The following GLE1 variants were observed in gnomAD, a reference collection of about 807,000 sequenced individuals.
GLE1 encodes GLE1 RNA export mediator, also known as mRNA export factor GLE1.
Under a neutral mutation model 97.3 loss-of-function variants are expected in GLE1, and 78 were observed. That is an observed-to-expected ratio of 0.80 (90% CI 0.67 to 0.97). GLE1 has a LOEUF of 0.97. Ranked by LOEUF, GLE1 falls within the 50% of genes least tolerant of loss-of-function variation. GLE1 has a pLI of 0.00. For synonymous variants in GLE1, 302 were observed against 313.4 expected (o/e 0.96, Z 0.39); for missense variants, 753 against 857.5 (o/e 0.88, Z 1.52).
intron 9 of GLE1, among the ~76,000 whole-genome samples, chr9:128,530,706 G>A (rs887915308): frequency 6.6e-6 from 1 of 150,942 alleles, no homozygotes; most frequent in South Asian, 2.1e-4. Flanking sequence ...TCAGGAGATC[G>A]AGACCATCCT....
chr9:128,530,298 C>T (rs566474418), intron 9 of GLE1, among the ~76,000 whole-genome samples: 157 of 152,280 alleles, frequency 1.0e-3, no homozygotes, highest in African/African-American at 3.6e-3. Context: ...CAAATCCAAA[C>T]CCATCATCTT....
intron 3 of GLE1, among the ~76,000 whole-genome samples, chr9:128,521,954 C>T (rs575377866): frequency 6.6e-6 from 1 of 152,124 alleles, no homozygotes; most frequent in South Asian, 2.1e-4. Context: ...AAAGGACTTT[C>T]CTTAGTGGAG....
chr9:128,506,763 C>T lies in GLE1; in HGVS notation c.99+1859C>T, dbSNP rs116650413. On this transcript the variant is annotated intron_variant, in intron 1 of 15. Transcript: ENST00000309971. ...TTTATGTACTGTCTATTTGTGTGTA[C>T]ATATATATTATAAAACCATGACTTC... 4.9e-3 allele frequency among the ~76,000 whole-genome samples: 743 copies of T among 152,246 alleles called. 12 individuals are homozygous for T. The highest frequency in any genetic ancestry group is 0.017 in the African/African-American group (716 of 41,544).
chr9:128,539,598 G>T lies in GLE1; in HGVS notation c.1882-18G>T. ...AATTTTCATTTTCTGCTCTGACAGT[G>T]CCTGTCTTTCCCTCTAGGTGTGTGG... is the stretch of plus-strand genomic sequence containing the variant. On this transcript the variant is annotated intron_variant, in intron 13 of 15. Transcript: ENST00000309971. The T allele has an allele frequency of 6.2e-7, 1 of 1,606,290 alleles. No individual in the cohort carries two copies. Among genetic ancestry groups the T allele is most frequent in the South Asian group, 1.1e-5 (1 of 90,912 alleles).
At chr9:128,509,578 C>A (rs764142735) in intron 2 of GLE1, among the ~76,000 whole-genome samples, 2 of 151,616 alleles carry the variant, frequency 1.3e-5, no homozygotes, top group African/African-American at 2.4e-5. Context: ...CTCAGAAGAC[C>A]CCTCTCTCTC....
chr9:128,522,882 AT>A, intron 4 of GLE1, 66 bp downstream of exon 4: 1 of 1,560,924 alleles, frequency 6.4e-7, no homozygotes, highest in Non-Finnish European at 8.8e-7. Flanking sequence ...CCCAAGAGGA[AT>A]TCCAAAGGGA....
At chr9:128,505,399 G>A (rs1846612641) in intron 1 of GLE1, among the ~76,000 whole-genome samples, 1 of 152,182 alleles carries the variant, frequency 6.6e-6, no homozygotes, top group South Asian at 2.1e-4. Context: ...GAGGGATGTG[G>A]AGAGTTAAGG....
At chr9:128,533,991 A>T in intron 11 of GLE1, 40 bp downstream of exon 11, 1 of 1,223,158 alleles carries the variant, frequency 8.2e-7, no homozygotes, top group Non-Finnish European at 1.2e-6. Flanking sequence ...CCCTAGAGTG[A>T]TTAATGAAAT....
chr9:128,509,357 C>T (rs191446304), intron 2 of GLE1, among the ~76,000 whole-genome samples: 110 of 150,050 alleles, frequency 7.3e-4, no homozygotes, highest in Non-Finnish European at 1.4e-3. Flanking sequence ...TTCTGATGAA[C>T]GCTGCGTCTG....
At chr9:128,521,617 T>C (rs1179067777) in intron 3 of GLE1, among the ~76,000 whole-genome samples, 1 of 152,208 alleles carries the variant, frequency 6.6e-6, no homozygotes, top group African/African-American at 2.4e-5. Flanking sequence ...TTTTGACATA[T>C]CTCCATGCTA....
intron 1 of GLE1, 133 bp downstream of exon 1, chr9:128,505,037 G>A: frequency 1.4e-6 from 1 of 690,246 alleles, no homozygotes; most frequent in South Asian, 1.5e-5. Flanking sequence ...TGACTTCTGT[G>A]TGTACATCCC....
In GLE1 at chr9:128,540,644, C is replaced by T. The variant is rs1847859276; in HGVS notation, c.2028+306C>T. On this transcript the variant is annotated intron_variant, in intron 15 of 15. Coordinates refer to ENST00000309971, the MANE Select transcript of GLE1 (RefSeq NM_001003722.2). ...TGTTGGCCAAGGTTATTTTCTTAGT[C>T]TCAGGTCTGGGGAATTGGTAAGTGT... 7.4e-6 allele frequency: 3 copies of T among 407,634 alleles called. No individual in the cohort carries two copies. The Admixed American group carries it at 1.2e-4, about 16-fold the overall frequency. The allele number at this position is 407,634 out of a possible 1,614,324, so 25.3% of individuals were successfully genotyped here.
chr9:128,517,622 T>A (rs952315804), intron 3 of GLE1, among the ~76,000 whole-genome samples: 1 of 152,204 alleles, frequency 6.6e-6, no homozygotes, highest in Non-Finnish European at 1.5e-5. Context: ...TCTTTGGAAA[T>A]TTTTCCCCTT....
rs1224289481 is a variant in GLE1 at position 128,541,369 on chromosome 9, T to TCCTTAAGAGA, written c.*200_*209dup. On this transcript the variant is annotated 3_prime_UTR_variant, in exon 16 of 16. Coordinates refer to ENST00000309971, the MANE Select transcript of GLE1 (RefSeq NM_001003722.2). ...GAGGTCCCTTAGTAGATTTGGTAGT[T>TCCTTAAGAGA]CCTTAAGAGATCCACGTGATAAAAT... 1.7e-6 allele frequency: 1 copy of TCCTTAAGAGA among 595,614 alleles called. No individual in the cohort carries two copies. The highest frequency in any genetic ancestry group is 3.0e-6 in the Non-Finnish European group (1 of 335,048). The allele number at this position is 595,614 out of a possible 1,614,324, so 36.9% of individuals were successfully genotyped here.
intron 8 of GLE1, 38 bp from the exon 9 acceptor site, chr9:128,527,418 C>T (rs139175043): frequency 4.4e-5 from 66 of 1,492,722 alleles, no homozygotes; most frequent in Middle Eastern, 1.7e-4. Context: ...CTACTCAGCT[C>T]TTCAGAACAC....
At chr9:128,532,236 T>TTTTTTTTTTTTTG (rs1847539600) in intron 9 of GLE1, among the ~76,000 whole-genome samples, 1 of 40,088 alleles carries the variant, frequency 2.5e-5, no homozygotes, top group Non-Finnish European at 5.5e-5. Flanking sequence ...TTTTTTTTTT[T>TTTTTTTTTTTTTG]AGGGAGGAGA....
chr9:128,526,914 C>A (rs1847316461), intron 7 of GLE1, among the ~76,000 whole-genome samples: 1 of 152,154 alleles, frequency 6.6e-6, no homozygotes, highest in Admixed American at 6.6e-5. Context: ...GTCTTGGCCT[C>A]CTAGAGTACT....
At chr9:128,508,811 A>G in intron 1 of GLE1, 65 bp from the exon 2 acceptor site, 1 of 896,398 alleles carries the variant, frequency 1.1e-6, no homozygotes, top group Non-Finnish European at 1.9e-6. Context: ...TCAGTAAGGC[A>G]TGTAGTGGAT....
In GLE1 at chr9:128,523,789, G is replaced by T; in HGVS notation, c.840G>T (p.Gln280His). Residue 280 changes from glutamine to histidine, a missense_variant, in exon 6 of 16, where the codon CAG (glutamine) becomes CAT (histidine). Gln to His is a conservative substitution (Grantham distance 24, BLOSUM62 0). Transcript: ENST00000309971. ...TTAAGGTCGACCTGGCTGCCTTCCAGACCCGAGGCAACCAGCTGTGCAGCC... is the reference window on the plus strand; with the variant it reads ...TTAAGGTCGACCTGGCTGCCTTCCATACCCGAGGCAACCAGCTGTGCAGCC... ...ALLKVDLAAF[Q>H]TRGNQLCSLI... 1.2e-6 allele frequency: 2 copies of T among 1,613,994 alleles called. No homozygotes were observed. The highest frequency in any genetic ancestry group is 2.2e-5 in the South Asian group (2 of 91,066).
Sources: allele counts gnomAD v4.1 joint callset (sites outside exome capture counted in the v4.1 genomes callset), GRCh38; gene constraint gnomAD v4.1.1; transcripts MANE v1.5; gene names NCBI Gene and HGNC (gene_info 2026-07-23, HGNC 2026-07-21).